The following PPP2R2A variants were observed in gnomAD, a reference collection of about 807,000 sequenced individuals.
PPP2R2A encodes the protein serine/threonine-protein phosphatase 2A 55 kDa regulatory subunit B alpha isoform.
PPP2R2A carries 9 observed loss-of-function variants against 53.2 expected under a neutral mutation model. That is an observed-to-expected ratio of 0.17 (90% CI 0.10 to 0.30). The LOEUF is 0.30. PPP2R2A is among the 10% of genes least tolerant of loss of function. PPP2R2A has a pLI of 1.00. For synonymous variants in PPP2R2A, 169 were observed against 174.2 expected (o/e 0.97, Z 0.23); for missense variants, 235 against 534.6 (o/e 0.44, Z 5.53).
intron 2 of PPP2R2A, among the ~76,000 whole-genome samples, chr8:26,319,488 C>G (rs1802725572): frequency 6.6e-6 from 1 of 152,126 alleles, no homozygotes; most frequent in South Asian, 2.1e-4. Flanking sequence ...GAATTTTATA[C>G]TTCTAGGTCT....
intron 2 of PPP2R2A, among the ~76,000 whole-genome samples, chr8:26,305,551 C>G (rs1801979689): frequency 6.6e-6 from 1 of 152,108 alleles, no homozygotes; most frequent in Non-Finnish European, 1.5e-5. Flanking sequence ...TAAGGTGAGA[C>G]ACAGCCACAA....
intron 3 of PPP2R2A, among the ~76,000 whole-genome samples, chr8:26,346,665 T>C (rs1456272709): frequency 6.6e-6 from 1 of 152,220 alleles, no homozygotes; most frequent in Non-Finnish European, 1.5e-5. Flanking sequence ...CTCAAATATC[T>C]CTCTATAGCC....
intron 6 of PPP2R2A, among the ~76,000 whole-genome samples, chr8:26,361,606 T>TA (rs530393731): frequency 2.4e-4 from 36 of 151,986 alleles, no homozygotes; most frequent in African/African-American, 7.7e-4. Flanking sequence ...ACCCTGTCTC[T>TA]AAAAAAATTT....
rs1289642954 is a variant in PPP2R2A at position 26,338,737 on chromosome 8, CTT to C, written c.83-151_83-150del. ...GTGGATCAAAATATTTATGAAAGAA[CTT>C]TAGATTCATGTTATTTCTGATGGGT... On this transcript the variant is annotated intron_variant, in intron 2 of 9. Coordinates refer to ENST00000380737, the MANE Select transcript of PPP2R2A (RefSeq NM_002717.4). This position sits in a 1 kb window ranked among gnomAD's most constrained non-coding sequence, Gnocchi z 4.5. Among the ~76,000 whole-genome samples the C allele has an allele frequency of 6.6e-6, 1 of 152,116 alleles. No homozygotes were observed. The highest frequency in any genetic ancestry group is 1.5e-5 in the Non-Finnish European group (1 of 68,008).
At chr8:26,340,907 A>T (rs997658452) in intron 3 of PPP2R2A, among the ~76,000 whole-genome samples, 3 of 152,122 alleles carry the variant, frequency 2.0e-5, no homozygotes, top group Admixed American at 2.0e-4. Flanking sequence ...TTTTAAAGAT[A>T]ATCATTTCCC....
At chr8:26,292,163 C>T in intron 1 of PPP2R2A, 1 of 1,195,976 alleles carries the variant, frequency 8.4e-7, no homozygotes, top group Non-Finnish European at 1.0e-6. Context: ...CTTCTCCCAC[C>T]TCCCCACCTT....
Position 26,303,464 on chromosome 8 carries a change from C to A in PPP2R2A, c.82+9724C>A, listed in dbSNP as rs367644233. ...GTTTTATTTTGAGCCCAACTTGTAGCAGTTTGGTGATGTGTTGTCTGTTCT... is the reference window on the plus strand; with the variant it reads ...GTTTTATTTTGAGCCCAACTTGTAGAAGTTTGGTGATGTGTTGTCTGTTCT... On this transcript the variant is annotated intron_variant, in intron 2 of 9. Coordinates refer to ENST00000380737, the MANE Select transcript of PPP2R2A (RefSeq NM_002717.4). 8.5e-5 allele frequency among the ~76,000 whole-genome samples: 13 copies of A among 152,200 alleles called. No individual in the cohort carries two copies. The South Asian group carries it at 2.7e-3, about 32-fold the overall frequency.
chr8:26,328,715 G>T (rs191592230), intron 2 of PPP2R2A, among the ~76,000 whole-genome samples: 3 of 152,320 alleles, frequency 2.0e-5, no homozygotes, highest in Admixed American at 2.0e-4. Context: ...TACTGGGTAT[G>T]TGCAAGCACA....
At chr8:26,318,116 T>C (rs1802649487) in intron 2 of PPP2R2A, among the ~76,000 whole-genome samples, 1 of 152,140 alleles carries the variant, frequency 6.6e-6, no homozygotes, top group Non-Finnish European at 1.5e-5. Flanking sequence ...GTGCCATTAC[T>C]AAAGGAGAAA....
At chr8:26,359,758 A>G (rs1563322755) in intron 4 of PPP2R2A, among the ~76,000 whole-genome samples, 1 of 152,232 alleles carries the variant, frequency 6.6e-6, no homozygotes, top group Non-Finnish European at 1.5e-5. Context: ...ATTCTACATA[A>G]TAGGCAGTCT....
rs1803492819 is a variant in PPP2R2A, at chr8:26,333,567, T to C, written c.83-5323T>C. On this transcript the variant is annotated intron_variant, in intron 2 of 9. Coordinates refer to ENST00000380737, the MANE Select transcript of PPP2R2A (RefSeq NM_002717.4). ...ATAAAGTGCCTCACAACACAAGAGC[T>C]GAGGTATTTAGAGAATGCCAAGGCT... The C allele has an allele frequency of 1.7e-5, 20 of 1,158,558 alleles. No homozygotes were observed. In the South Asian group the frequency reaches 3.1e-4, roughly 18 times the overall value. The allele number at this position is 1,158,558 out of a possible 1,614,324, so 71.8% of individuals were successfully genotyped here.
At chr8:26,342,656 A>G (rs1030543721) in intron 3 of PPP2R2A, among the ~76,000 whole-genome samples, 1 of 152,112 alleles carries the variant, frequency 6.6e-6, no homozygotes, top group African/African-American at 2.4e-5. Flanking sequence ...ACTTCTTTTT[A>G]TAATTTTTCT....
Position 26,360,866 on chromosome 8 carries a change from T to C in PPP2R2A, c.460-108T>C. 1 of 1,063,266 alleles carries C rather than the reference T, an allele frequency of 9.4e-7. No individual in the cohort carries two copies. Among genetic ancestry groups the C allele is most frequent in the Non-Finnish European group, 1.3e-6 (1 of 748,654 alleles). The allele number at this position is 1,063,266 out of a possible 1,614,324, so 65.9% of individuals were successfully genotyped here. ...TTAAAACTAAATCTATGTAATATTG[T>C]TCTATTTTATGTTCTCAAAAACTGA... On this transcript the variant is annotated intron_variant, in intron 5 of 9. Transcript: ENST00000380737. This position sits in a 1 kb window ranked among gnomAD's most constrained non-coding sequence, Gnocchi z 4.5.
intron 3 of PPP2R2A, among the ~76,000 whole-genome samples, chr8:26,352,567 C>A (rs1804573544): frequency 6.6e-6 from 1 of 152,160 alleles, no homozygotes; most frequent in Non-Finnish European, 1.5e-5. Context: ...AGCCTGGCAT[C>A]TTGAGCTTTT....
intron 2 of PPP2R2A, among the ~76,000 whole-genome samples, chr8:26,328,084 G>A (rs1050140674): frequency 2.6e-5 from 4 of 152,112 alleles, no homozygotes; most frequent in Non-Finnish European, 4.4e-5. Flanking sequence ...CAAGATGCAG[G>A]CATATGTTAA....
chr8:26,341,191 G>T (rs1803925701), intron 3 of PPP2R2A, among the ~76,000 whole-genome samples: 1 of 152,186 alleles, frequency 6.6e-6, no homozygotes, highest in Non-Finnish European at 1.5e-5. Flanking sequence ...GATGATGATG[G>T]TGATTGACTC....
At chr8:26,314,793 A>T (rs1355314487) in intron 2 of PPP2R2A, among the ~76,000 whole-genome samples, 1 of 141,370 alleles carries the variant, frequency 7.1e-6, no homozygotes, top group African/African-American at 2.7e-5. Flanking sequence ...TTGTAGATTC[A>T]TTTCCTTCTG....
At chr8:26,364,436 T>C (rs1585412635) in intron 8 of PPP2R2A, among the ~76,000 whole-genome samples, 1 of 152,192 alleles carries the variant, frequency 6.6e-6, no homozygotes, top group Non-Finnish European at 1.5e-5. Context: ...GATTCTCTTA[T>C]CAGCCAGCCA....
At chr8:26,291,892 C>T in intron 1 of PPP2R2A, 66 bp downstream of exon 1, 9 of 1,593,046 alleles carry the variant, frequency 5.6e-6, no homozygotes, top group Non-Finnish European at 7.7e-6. Flanking sequence ...TCCATCACCC[C>T]CTAGCGACCG....
Sources: allele counts gnomAD v4.1 joint callset (sites outside exome capture counted in the v4.1 genomes callset), GRCh38; gene constraint gnomAD v4.1.1; non-coding constraint Gnocchi (gnomAD v3.1); transcripts MANE v1.5; gene names NCBI Gene and HGNC (gene_info 2026-07-23, HGNC 2026-07-21).